CNNM2: variants seen among roughly 807,000 people sequenced by gnomAD.
The protein encoded by CNNM2 is cyclin and CBS domain divalent metal cation transport mediator 2.
In CNNM2, 12 loss-of-function variants were observed where a neutral mutation model predicts 66.9. The ratio of observed to expected loss-of-function variants is 0.18; its 90% confidence interval spans 0.11 to 0.29. CNNM2 has a LOEUF of 0.29. Ranked by LOEUF, CNNM2 falls within the 10% of genes least tolerant of loss-of-function variation. The pLI is 1.00. For synonymous variants in CNNM2, 557 were observed against 501.8 expected (o/e 1.11, Z -1.47); for missense variants, 705 against 1,167.7 (o/e 0.60, Z 5.77).
At chr10:103,032,658 GCT>G (rs1286133080) in intron 1 of CNNM2, among the ~76,000 whole-genome samples, 7 of 119,438 alleles carry the variant, frequency 5.9e-5, no homozygotes, top group African/African-American at 2.4e-4. Context: ...AATTGATGTA[GCT>G]CTTTTTTTTT....
At chr10:102,957,695 T>C (rs1055245621) in intron 1 of CNNM2, among the ~76,000 whole-genome samples, 2 of 152,192 alleles carry the variant, frequency 1.3e-5, no homozygotes, top group African/African-American at 4.8e-5. Context: ...TAAGCCCTAA[T>C]AGGAGAGAAC....
chr10:103,003,607 T>G (rs2064166703), intron 1 of CNNM2, among the ~76,000 whole-genome samples: 1 of 152,010 alleles, frequency 6.6e-6, no homozygotes, highest in South Asian at 2.1e-4. Flanking sequence ...GCAGATCACT[T>G]GAGGTCAGAA....
chr10:103,005,901 G>T (rs967597449), intron 1 of CNNM2, among the ~76,000 whole-genome samples: 17 of 152,074 alleles, frequency 1.1e-4, no homozygotes, highest in African/African-American at 4.1e-4. Context: ...GCTAATTTTT[G>T]TATGTTTTGT....
At chr10:102,988,277 T>G (rs2063833588) in intron 1 of CNNM2, among the ~76,000 whole-genome samples, 1 of 152,106 alleles carries the variant, frequency 6.6e-6, no homozygotes, top group Admixed American at 6.5e-5. Flanking sequence ...CATTCCAGCC[T>G]GGGCAACAGA....
chr10:102,945,627 T>C (rs1179540412), intron 1 of CNNM2, among the ~76,000 whole-genome samples: 1 of 152,036 alleles, frequency 6.6e-6, no homozygotes. Flanking sequence ...TCTCTCTGCC[T>C]GCTTCTGTGC....
chr10:102,973,816 TCC>T lies in CNNM2; in HGVS notation c.1621+53725_1621+53726del, dbSNP rs5787478. On this transcript the variant is annotated intron_variant, in intron 1 of 7. Transcript: ENST00000369878. ...AAGCTAACAGCATCTTTTCATGTAT[TCC>T]CCCCCCCCCTTTTTTAAAACAACAT... Among the ~76,000 whole-genome samples, 312 of 143,464 alleles carry T rather than the reference TCC, an allele frequency of 2.2e-3. 2 individuals are homozygous for T. The highest frequency in any genetic ancestry group is 4.3e-3 in the African/African-American group (169 of 38,934). 94.1% of individuals were successfully genotyped at this position (143,464 alleles called of 152,430 possible). A position where few individuals can be genotyped will look rare whatever the true frequency, so the allele number is the denominator to read the frequency against.
At chr10:102,981,183 C>CA (rs201001136) in intron 1 of CNNM2, among the ~76,000 whole-genome samples, 2,305 of 151,280 alleles carry the variant, frequency 0.015, 49 homozygotes, top group African/African-American at 0.053. Context: ...CCTATCTCTA[C>CA]AAAAAAAAAT....
chr10:103,006,244 T>A (rs2064224194), intron 1 of CNNM2, among the ~76,000 whole-genome samples: 1 of 151,950 alleles, frequency 6.6e-6, no homozygotes, highest in Non-Finnish European at 1.5e-5. Context: ...TCTGGCTTTG[T>A]CATCCAGGCT....
At position 103,054,338 on chromosome 10, in the gene CNNM2, G is replaced by T. The variant is rs756652510; in HGVS notation, c.1775G>T (p.Arg592Ile). The T allele has an allele frequency of 6.2e-7, 1 of 1,613,632 alleles. No homozygotes were observed. The highest frequency in any genetic ancestry group is 8.5e-7 in the Non-Finnish European group (1 of 1,179,788). Residue 592 changes from arginine (R) to isoleucine (I), a missense_variant, in exon 3 of 8, where the codon AGA (arginine) becomes ATA (isoleucine). Physicochemically the swap from Arg to Ile is moderately conservative, Grantham distance 97 (BLOSUM62 -3). Coordinates refer to ENST00000369878, the MANE Select transcript of CNNM2 (RefSeq NM_017649.5). This position sits in a 1 kb window ranked among gnomAD's most constrained non-coding sequence, Gnocchi z 5.2. ...LDETDLYTDNRTKKKVAHRER... is the reference protein window; with the variant it reads ...LDETDLYTDNITKKKVAHRER... ...TTAATTCCTCCCTTAGCTGACAACA[G>T]AACGAAAAAGAAAGTGGCTCACCGG... is the stretch of plus-strand genomic sequence containing the variant.
intron 1 of CNNM2, among the ~76,000 whole-genome samples, chr10:103,044,654 T>C (rs1327635480): frequency 6.6e-6 from 1 of 152,218 alleles, no homozygotes; most frequent in Non-Finnish European, 1.5e-5. Flanking sequence ...ATGGAATCAC[T>C]GTTCTCCAAA....
In CNNM2 at chr10:103,077,128, G is replaced by A. The variant is rs990503319; in HGVS notation, c.2576G>A (p.Cys859Tyr). Residue 859 changes from cysteine (C) to tyrosine (Y), a missense_variant, in exon 8 of 8, where the codon TGT (cysteine) becomes TAT (tyrosine). By Grantham distance (194) the Cys-to-Tyr change is radical (BLOSUM62 -2). Coordinates refer to ENST00000369878, the MANE Select transcript of CNNM2 (RefSeq NM_017649.5). The part of the protein sequence containing the change: ...ETANLLNEQN[C>Y]VTHSKANHSL... ...GCCAACCTGCTCAACGAACAGAACT[G>A]TGTGACGCACAGTAAGGCCAACCAC... is the stretch of plus-strand genomic sequence containing the variant. The A allele has an allele frequency of 1.2e-6, 2 of 1,613,946 alleles. No individual in the cohort carries two copies. Among genetic ancestry groups the A allele is most frequent in the Non-Finnish European group, 1.7e-6 (2 of 1,179,900 alleles).
intron 1 of CNNM2, among the ~76,000 whole-genome samples, chr10:102,966,164 A>G (rs908331172): frequency 3.9e-5 from 6 of 152,338 alleles, no homozygotes; most frequent in Middle Eastern, 3.4e-3. Flanking sequence ...CTGTACTTGT[A>G]TGATTAAACT....
At chr10:103,047,229 A>G (rs1258088360) in intron 1 of CNNM2, among the ~76,000 whole-genome samples, 1 of 152,224 alleles carries the variant, frequency 6.6e-6, no homozygotes, top group Non-Finnish European at 1.5e-5. Context: ...GTGATGTCAT[A>G]TAACCACTGA....
chr10:102,968,840 AT>A (rs1450716821), intron 1 of CNNM2, among the ~76,000 whole-genome samples: 8 of 150,782 alleles, frequency 5.3e-5, no homozygotes, highest in Non-Finnish European at 1.2e-4. Flanking sequence ...GGCTCAAGCA[AT>A]ATTCTTGCCT....
intron 1 of CNNM2, among the ~76,000 whole-genome samples, chr10:103,036,416 A>AAT (rs2064940253): frequency 2.0e-5 from 3 of 152,186 alleles, no homozygotes; most frequent in South Asian, 2.1e-4. Flanking sequence ...AAGTCCCATT[A>AAT]GGGACTTCAT....
intron 1 of CNNM2, among the ~76,000 whole-genome samples, chr10:103,007,313 T>C (rs2134264845): frequency 6.6e-6 from 1 of 152,304 alleles, no homozygotes; most frequent in Middle Eastern, 3.4e-3. Flanking sequence ...AGGGTCTATG[T>C]TCAGTGGTAC....
chr10:102,965,858 T>G (rs2063455021), intron 1 of CNNM2, among the ~76,000 whole-genome samples: 1 of 152,238 alleles, frequency 6.6e-6, no homozygotes, highest in South Asian at 2.1e-4. Flanking sequence ...TGCTAGACTT[T>G]TTTAAGCTTC....
chr10:102,936,754 A>T (rs1452318659), intron 1 of CNNM2, among the ~76,000 whole-genome samples: 1 of 152,136 alleles, frequency 6.6e-6, no homozygotes, highest in Non-Finnish European at 1.5e-5. Context: ...CTATCTTTTG[A>T]TGTGGTGGGT....
At chr10:103,026,601 C>CAAAA (rs887780071) in intron 1 of CNNM2, among the ~76,000 whole-genome samples, 3 of 64,910 alleles carry the variant, frequency 4.6e-5, no homozygotes, top group Admixed American at 1.9e-4. Flanking sequence ...ACCTTGTCTT[C>CAAAA]AAAAAAAAAA....
Sources: allele counts gnomAD v4.1 joint callset (sites outside exome capture counted in the v4.1 genomes callset), GRCh38; gene constraint gnomAD v4.1.1; non-coding constraint Gnocchi (gnomAD v3.1); transcripts MANE v1.5; gene names NCBI Gene and HGNC (gene_info 2026-07-23, HGNC 2026-07-21).